ADAM15: variants seen among roughly 807,000 people sequenced by gnomAD.
ADAM15 encodes disintegrin and metalloproteinase domain-containing protein 15.
Under a neutral mutation model 113.8 loss-of-function variants are expected in ADAM15, and 77 were observed. The ratio of observed to expected loss-of-function variants is 0.68; its 90% CI spans 0.56 to 0.82. The LOEUF (loss-of-function observed/expected upper bound fraction) is 0.82, where lower values mean the gene tolerates loss of function less well. Ranked by LOEUF, ADAM15 falls within the 40% of genes least tolerant of loss-of-function variation. The pLI, the probability that ADAM15 is intolerant of heterozygous loss-of-function variation, is 0.00. For missense variants in ADAM15, 963 were observed against 1,120.1 expected (o/e 0.86, Z 2.00); for synonymous variants, 388 against 454.1 (o/e 0.85, Z 1.85).
rs1437430877 is a variant in ADAM15 at position 155,053,116 on chromosome 1, C to CG, written c.187-301_187-300insG. ...GTCAGGACCTTACCAAACCCCCCCC[C>CG]CCCCACCCCATTCTAAAGCTGAGTC... On this transcript the variant is annotated intron_variant, in intron 2 of 22. Transcript: ENST00000356955. 7.4e-5 allele frequency among the ~76,000 whole-genome samples: 10 copies of CG among 134,320 alleles called. 1 individual carries two copies. The highest frequency in any genetic ancestry group is 1.1e-4 in the Non-Finnish European group (7 of 60,946). 88.1% of individuals were successfully genotyped at this position (134,320 alleles called of 152,430 possible).
At position 155,060,361 on chromosome 1, in the gene ADAM15, C is replaced by A; in HGVS notation, c.2207+18C>A. On this transcript the variant is annotated intron_variant, in intron 18 of 22. Coordinates refer to ENST00000356955, the MANE Select transcript of ADAM15 (RefSeq NM_207197.3). ...CAGTACAGGTATGAGCATCACCTCC[C>A]TGCTACCACTTCCTTCAACTGGGGA... The A allele has an allele frequency of 6.2e-7, 1 of 1,612,258 alleles. No individual in the cohort carries two copies. The highest frequency in any genetic ancestry group is 8.5e-7 in the Non-Finnish European group (1 of 1,178,542).
In ADAM15 at chr1:155,058,703, G is replaced by C. The variant is rs750160238; in HGVS notation, c.1918-7G>C. The C allele has an allele frequency of 1.2e-6, 2 of 1,612,948 alleles. No individual in the cohort carries two copies. Among genetic ancestry groups the C allele is most frequent in the Non-Finnish European group, 1.7e-6 (2 of 1,179,480 alleles). ...ATCTGATCCAGGCTCTTCTCTCCCT[G>C]GGTCAGGTGTGTATAGACCATCGAT... is the stretch of plus-strand genomic sequence containing the variant. On this transcript the variant is annotated splice_region_variant and splice_polypyrimidine_tract_variant and intron_variant, in intron 15 of 22. Coordinates refer to ENST00000356955, the MANE Select transcript of ADAM15 (RefSeq NM_207197.3). This position sits in a 1 kb window ranked among gnomAD's most constrained non-coding sequence, Gnocchi z 4.3.
chr1:155,062,274 A>C lies in ADAM15; in HGVS notation c.2454A>C (p.Pro818=). The C allele has an allele frequency of 2.0e-6, 3 of 1,465,052 alleles. No individual in the cohort carries two copies. In the South Asian group the frequency reaches 4.2e-5, roughly 21 times the overall value. 90.8% of individuals were successfully genotyped at this position (1,465,052 alleles called of 1,614,324 possible). ...AGGGGCCAGCCAAGCCCCCACCCCC[A>C]AGGAAGCCACTGCCTGCCGACCCCC... ...KSQGPAKPPP[P]RKPLPADPQG... is the part of the protein sequence containing the mutation. The change falls in exon 22 of 23, where the codon CCA becomes CCC. Residue 818 remains proline (P), a synonymous_variant. Coordinates refer to ENST00000356955, the MANE Select transcript of ADAM15 (RefSeq NM_207197.3). This position sits in a 1 kb window ranked among gnomAD's most constrained non-coding sequence, Gnocchi z 7.0.
Position 155,062,497 on chromosome 1 carries a change from C to A in ADAM15, c.2587C>A (p.Leu863Ile). The A allele has an allele frequency of 6.2e-7, 1 of 1,613,336 alleles. No homozygotes were observed. Among genetic ancestry groups the A allele is most frequent in the Non-Finnish European group, 8.5e-7 (1 of 1,179,936 alleles). ...GCCTCCGACAGTGTCCTCGCTCTAC[C>A]TCTGACCTCTCCGGAGGTTCCGCTG... Reference protein sequence around the residue: ...PPPPTVSSLYL With the variant: ...PPPPTVSSLYI The change falls in exon 23 of 23, where the codon CTC (leucine) becomes ATC (isoleucine). Residue 863 changes from leucine to isoleucine, a missense_variant. Transcript: ENST00000356955. This position sits in a 1 kb window ranked among gnomAD's most constrained non-coding sequence, Gnocchi z 7.0.
In ADAM15 at chr1:155,057,906, A is replaced by G; in HGVS notation, c.1472A>G (p.Glu491Gly). The change falls in exon 14 of 23, where the codon GAA becomes GGA. Residue 491 changes from glutamate (E) to glycine (G), a missense_variant. Physicochemically the swap from Glu to Gly is moderately conservative, Grantham distance 98 (BLOSUM62 -2). Coordinates refer to ENST00000356955, the MANE Select transcript of ADAM15 (RefSeq NM_207197.3). The surrounding 1 kb of genome is among the most constrained non-coding windows in gnomAD (Gnocchi z 5.0). ...ACCAGAGGGGATTGTGACTTGCCTG[A>G]ATTCTGCCCAGGAGACAGCTCCCAG... The part of the protein sequence containing the change: ...RPTRGDCDLP[E>G]FCPGDSSQCP... 6.2e-7 allele frequency: 1 copy of G among 1,612,804 alleles called. No homozygotes were observed. The highest frequency in any genetic ancestry group is 8.5e-7 in the Non-Finnish European group (1 of 1,179,998).
intron 16 of ADAM15, 68 bp from the exon 17 acceptor site, chr1:155,059,834 G>A: frequency 6.5e-7 from 1 of 1,533,042 alleles, no homozygotes; most frequent in Non-Finnish European, 9.0e-7. Context: ...CTGAGATCTT[G>A]AAAAGCTAGA....
At chr1:155,052,627 G>A in intron 1 of ADAM15, 44 bp from the exon 2 acceptor site, 1 of 1,565,298 alleles carries the variant, frequency 6.4e-7, no homozygotes, top group Non-Finnish European at 8.7e-7. Flanking sequence ...CAGCCCTGCT[G>A]TCGATTCCCT....
intron 1 of ADAM15, chr1:155,052,340 G>C (rs1571587830): frequency 5.9e-6 from 4 of 678,990 alleles, no homozygotes; most frequent in South Asian, 3.8e-5. Flanking sequence ...TTCCTGAAGT[G>C]GGGGGAGAGT....
chr1:155,062,649 C>A lies in ADAM15; in HGVS notation c.*147C>A. 1 of 1,138,298 alleles carries A rather than the reference C, an allele frequency of 8.8e-7. No homozygotes were observed. The highest frequency in any genetic ancestry group is 1.5e-5 in the South Asian group (1 of 64,862). The allele number at this position is 1,138,298 out of a possible 1,614,324, so 70.5% of individuals were successfully genotyped here. A position where few individuals can be genotyped will look rare whatever the true frequency, so the allele number is the denominator to read the frequency against. On this transcript the variant is annotated 3_prime_UTR_variant, in exon 23 of 23. Coordinates refer to ENST00000356955, the MANE Select transcript of ADAM15 (RefSeq NM_207197.3). This position sits in a 1 kb window ranked among gnomAD's most constrained non-coding sequence, Gnocchi z 7.0. ...CACCGCCACGCGCTGTCAAGCAACA[C>A]TCTGCGGACCTGCCGGCGTAGTTGC...
rs756116770 is a variant in ADAM15 at position 155,058,433 on chromosome 1, C to T, written c.1909C>T (p.Pro637Ser). ...GACTCTGCCTGGCACAGCCTGTGGC[C>T]CTGGCCTGGTGAGCAGCCTGGGTGG... ...LLTLPGTACG[P>S]GLVCIDHRCQ... The change falls in exon 15 of 23, where the codon CCT becomes TCT. Residue 637 changes from proline (P) to serine (S), a missense_variant. Transcript: ENST00000356955. The surrounding 1 kb of genome is among the most constrained non-coding windows in gnomAD (Gnocchi z 4.3). 4.3e-6 allele frequency: 7 copies of T among 1,611,568 alleles called. No homozygotes were observed. In the African/African-American group the frequency reaches 8.0e-5, roughly 18 times the overall value.
At chr1:155,055,463 T>A in intron 6 of ADAM15, 1 of 348,950 alleles carries the variant, frequency 2.9e-6, no homozygotes, top group Non-Finnish European at 5.5e-6. Context: ...CCTGACCTCA[T>A]GATCCACCCG....
rs949194905 is a variant in ADAM15, at chr1:155,053,112, C to T, written c.187-305C>T. Among the ~76,000 whole-genome samples the T allele has an allele frequency of 5.5e-5, 7 of 126,828 alleles. No individual in the cohort carries two copies. In the East Asian group the frequency reaches 2.0e-3, roughly 35 times the overall value. The allele number at this position is 126,828 out of a possible 152,430, so 83.2% of individuals were successfully genotyped here. On this transcript the variant is annotated intron_variant, in intron 2 of 22. Coordinates refer to ENST00000356955, the MANE Select transcript of ADAM15 (RefSeq NM_207197.3). The stretch of plus-strand genomic sequence containing the variant: ...AAGAGTCAGGACCTTACCAAACCCC[C>T]CCCCCCCCACCCCATTCTAAAGCTG...
At position 155,058,230 on chromosome 1, in the gene ADAM15, T is replaced by G. The variant is rs753572320; in HGVS notation, c.1722-16T>G. ...CTGCTCCTACTAACTCTGTGTGCCC[T>G]TCCCCCTCCCCACAGAGATGCCATT... On this transcript the variant is annotated splice_polypyrimidine_tract_variant and intron_variant, in intron 14 of 22. Transcript: ENST00000356955. This position sits in a 1 kb window ranked among gnomAD's most constrained non-coding sequence, Gnocchi z 4.3. 2 of 1,613,850 alleles carry G rather than the reference T, an allele frequency of 1.2e-6. No homozygotes were observed. Among genetic ancestry groups the G allele is most frequent in the Non-Finnish European group, 1.7e-6 (2 of 1,179,990 alleles).
At position 155,062,503 on chromosome 1, in the gene ADAM15, C is replaced by G. The variant is rs1299512514; in HGVS notation, c.*1C>G. 2 of 1,613,214 alleles carry G rather than the reference C, an allele frequency of 1.2e-6. No individual in the cohort carries two copies. The highest frequency in any genetic ancestry group is 2.2e-5 in the East Asian group (1 of 44,872). On this transcript the variant is annotated 3_prime_UTR_variant, in exon 23 of 23. Transcript: ENST00000356955. This position sits in a 1 kb window ranked among gnomAD's most constrained non-coding sequence, Gnocchi z 7.0. ...GACAGTGTCCTCGCTCTACCTCTGA[C>G]CTCTCCGGAGGTTCCGCTGCCTCCA...
Position 155,062,287 on chromosome 1 carries a change from C to G in ADAM15, c.2467C>G (p.Pro823Ala). ...AKPPPPRKPL[P>A]ADPQGRCPSG... ...GCCCCCACCCCCAAGGAAGCCACTGCCTGCCGACCCCCAGGGCCGGTGCCC... is the reference window on the plus strand; with the variant it reads ...GCCCCCACCCCCAAGGAAGCCACTGGCTGCCGACCCCCAGGGCCGGTGCCC... The change falls in exon 22 of 23, where the codon CCT (proline) becomes GCT (alanine). Residue 823 changes from proline (P) to alanine (A), a missense_variant. By Grantham distance (27) the Pro-to-Ala change is conservative. Transcript: ENST00000356955. This position sits in a 1 kb window ranked among gnomAD's most constrained non-coding sequence, Gnocchi z 7.0. The G allele has an allele frequency of 6.8e-7, 1 of 1,472,118 alleles. No individual in the cohort carries two copies. The highest frequency in any genetic ancestry group is 9.0e-7 in the Non-Finnish European group (1 of 1,108,642). 91.2% of individuals were successfully genotyped at this position (1,472,118 alleles called of 1,614,324 possible). A position where few individuals can be genotyped will look rare whatever the true frequency, so the allele number is the denominator to read the frequency against.
rs772245518 is a variant in ADAM15 at position 155,058,994 on chromosome 1, A to G, written c.1995+207A>G. Among the ~76,000 whole-genome samples, 8 of 152,242 alleles carry G rather than the reference A, an allele frequency of 5.3e-5. No individual in the cohort carries two copies. The highest frequency in any genetic ancestry group is 1.0e-4 in the Non-Finnish European group (7 of 68,042). On this transcript the variant is annotated intron_variant, in intron 16 of 22. Coordinates refer to ENST00000356955, the MANE Select transcript of ADAM15 (RefSeq NM_207197.3). The surrounding 1 kb of genome is among the most constrained non-coding windows in gnomAD (Gnocchi z 4.3). ...ATAATAGTATCCCCATCCAGGGTAC[A>G]TGAGATGAGTATGAAAGCATCTAGC...
chr1:155,053,581 C>T lies in ADAM15; in HGVS notation c.263+88C>T, dbSNP rs970381803. On this transcript the variant is annotated intron_variant, in intron 3 of 22. Transcript: ENST00000356955. ...GTGCCAGGTACTAAGTGCTTGTGCTCATTTAATCCTCATAACAGCCCTATA... is the reference window on the plus strand; with the variant it reads ...GTGCCAGGTACTAAGTGCTTGTGCTTATTTAATCCTCATAACAGCCCTATA... The T allele has an allele frequency of 6.6e-6, 9 of 1,367,978 alleles. No homozygotes were observed. In the South Asian group the frequency reaches 1.1e-4, roughly 16 times the overall value. 84.7% of individuals were successfully genotyped at this position (1,367,978 alleles called of 1,614,324 possible).
Position 155,057,016 on chromosome 1 carries a change from G to A in ADAM15, c.1063G>A (p.Gly355Ser), listed in dbSNP as rs140070411. The change falls in exon 11 of 23, where the codon GGC becomes AGC. Residue 355 changes from glycine to serine, a missense_variant. Gly to Ser is a moderately conservative substitution (Grantham distance 56). Coordinates refer to ENST00000356955, the MANE Select transcript of ADAM15 (RefSeq NM_207197.3). This position sits in a 1 kb window ranked among gnomAD's most constrained non-coding sequence, Gnocchi z 5.0. ...SIAHELGHSLGLDHDLPGNSC... is the reference protein window; with the variant it reads ...SIAHELGHSLSLDHDLPGNSC... ...AGCCCATGAGTTGGGCCACAGCCTG[G>A]GCCTGGACCATGATTTGCCTGGGAA... The A allele has an allele frequency of 1.2e-6, 2 of 1,607,386 alleles. No homozygotes were observed. The highest frequency in any genetic ancestry group is 2.2e-5 in the East Asian group (1 of 44,798).
At position 155,057,128 on chromosome 1, in the gene ADAM15, G is replaced by T; in HGVS notation, c.1148+27G>T. On this transcript the variant is annotated intron_variant, in intron 11 of 22. Coordinates refer to ENST00000356955, the MANE Select transcript of ADAM15 (RefSeq NM_207197.3). This position sits in a 1 kb window ranked among gnomAD's most constrained non-coding sequence, Gnocchi z 5.0. ...TAAGTAGCTGCAGGATGGAGAGAGGGTGTGGGGCAGGGGGCAGGGAGAGGC... is the reference window on the plus strand; with the variant it reads ...TAAGTAGCTGCAGGATGGAGAGAGGTTGTGGGGCAGGGGGCAGGGAGAGGC... The T allele has an allele frequency of 4.4e-6, 7 of 1,576,752 alleles. No individual in the cohort carries two copies. Among genetic ancestry groups the T allele is most frequent in the Non-Finnish European group, 6.0e-6 (7 of 1,159,208 alleles).
Sources: allele counts gnomAD v4.1 joint callset (sites outside exome capture counted in the v4.1 genomes callset), GRCh38; gene constraint gnomAD v4.1.1; non-coding constraint Gnocchi (gnomAD v3.1); transcripts MANE v1.5; gene names NCBI Gene and HGNC (gene_info 2026-07-23, HGNC 2026-07-21).